The following ATP2B1 variants were observed in gnomAD, a reference collection of about 807,000 sequenced individuals.
The protein encoded by ATP2B1 is plasma membrane calcium-transporting ATPase 1.
Under a neutral mutation model 124.2 loss-of-function variants are expected in ATP2B1, and 14 were observed. The observed-to-expected ratio is 0.11, with a 90% CI of 0.07 to 0.18. The LOEUF (loss-of-function observed/expected upper bound fraction) is 0.18, where lower values mean the gene tolerates loss of function less well. Among genes scored for constraint, ATP2B1 ranks in the 10% least tolerant of loss-of-function variants. The pLI is 1.00. For missense variants in ATP2B1, 763 were observed against 1,466.1 expected, an observed-to-expected ratio of 0.52 and a Z score of 7.83; for synonymous variants, 449 against 492.4, an observed-to-expected ratio of 0.91 and a Z score of 1.17.
At chr12:89,634,325 T>A (rs1882353622) in intron 5 of ATP2B1, among the ~76,000 whole-genome samples, 1 of 152,216 alleles carries the variant, frequency 6.6e-6, no homozygotes, top group Admixed American at 6.5e-5. Flanking sequence ...AGGTAAACTT[T>A]AAGGATTTTA....
intron 15 of ATP2B1, among the ~76,000 whole-genome samples, chr12:89,607,631 A>G (rs899746342): frequency 4.6e-5 from 7 of 152,228 alleles, no homozygotes; most frequent in Non-Finnish European, 7.3e-5. Context: ...ATTGGATTAC[A>G]CCATGAGATT....
chr12:89,602,895 C>T (rs1325364115), intron 18 of ATP2B1, 148 bp downstream of exon 18: 4 of 669,380 alleles, frequency 6.0e-6, no homozygotes, highest in Non-Finnish European at 7.4e-6. Flanking sequence ...TATTCTTTAA[C>T]ATATACCTTA....
Position 89,661,608 on chromosome 12 carries a change from G to A in ATP2B1, c.-221-5501C>T, listed in dbSNP as rs1028871345. 2.6e-5 allele frequency among the ~76,000 whole-genome samples: 4 copies of A among 152,246 alleles called. 1 individual carries two copies. Among genetic ancestry groups the A allele is most frequent in the African/African-American group, 9.6e-5 (4 of 41,554 alleles). On this transcript the variant is annotated intron_variant, in intron 1 of 20. Transcript: ENST00000428670. ...GGCTACTACCATCAGGGAAATAACT[G>A]GCACTGTACTTCGAAACTGGTACTG...
At chr12:89,604,407 A>G in intron 15 of ATP2B1, 61 bp from the exon 16 acceptor site, 2 of 1,309,080 alleles carry the variant, frequency 1.5e-6, no homozygotes, top group Admixed American at 4.8e-5. Flanking sequence ...CAAATAGTCA[A>G]AAAATACACA....
intron 20 of ATP2B1, among the ~76,000 whole-genome samples, chr12:89,597,679 C>T (rs1351544501): frequency 6.6e-6 from 1 of 152,030 alleles, no homozygotes; most frequent in Non-Finnish European, 1.5e-5. Context: ...CCTTAGGTAG[C>T]TCTGTAAATT....
At chr12:89,646,109 G>T (rs1884417873) in intron 2 of ATP2B1, among the ~76,000 whole-genome samples, 1 of 151,946 alleles carries the variant, frequency 6.6e-6, no homozygotes, top group Non-Finnish European at 1.5e-5. Flanking sequence ...TTGCGAGGGG[G>T]AGGGGTCTTC....
chr12:89,628,493 A>G (rs909529779), intron 6 of ATP2B1, among the ~76,000 whole-genome samples: 2 of 151,472 alleles, frequency 1.3e-5, no homozygotes, highest in African/African-American at 4.8e-5. Context: ...TACAAAAGAT[A>G]GGAGAGGTAA....
intron 1 of ATP2B1, among the ~76,000 whole-genome samples, chr12:89,668,866 G>A (rs1249438016): frequency 6.6e-6 from 1 of 152,110 alleles, no homozygotes; most frequent in East Asian, 1.9e-4. Flanking sequence ...CAAGTTCCAA[G>A]TAACAGTCTC....
rs930569104 is a variant in ATP2B1, at chr12:89,660,287, G to A, written c.-221-4180C>T. Among the ~76,000 whole-genome samples, 24 of 152,088 alleles carry A rather than the reference G, an allele frequency of 1.6e-4. 1 individual carries two copies. The highest frequency in any genetic ancestry group is 4.8e-4 in the African/African-American group (20 of 41,408). ...AGCAACTCAAAGCTAGGTAAAAATC[G>A]GCAATACGTTACATGACAGAATTGG... On this transcript the variant is annotated intron_variant, in intron 1 of 20. Coordinates refer to ENST00000428670, the MANE Select transcript of ATP2B1 (RefSeq NM_001366521.1).
chr12:89,639,447 T>C (rs1250116071), intron 3 of ATP2B1, among the ~76,000 whole-genome samples: 2 of 151,996 alleles, frequency 1.3e-5, no homozygotes, highest in Non-Finnish European at 2.9e-5. Flanking sequence ...GAGGTTGCAG[T>C]GAGCCGAGAT....
At chr12:89,636,486 A>G (rs752282299) in intron 3 of ATP2B1, among the ~76,000 whole-genome samples, 18 of 152,362 alleles carry the variant, frequency 1.2e-4, no homozygotes, top group Admixed American at 6.5e-4. Context: ...ATGTGAAGTT[A>G]TTTCTTTTTA....
intron 2 of ATP2B1, among the ~76,000 whole-genome samples, chr12:89,652,017 C>G (rs892408460): frequency 6.6e-6 from 1 of 152,192 alleles, no homozygotes; most frequent in Middle Eastern, 3.2e-3. Context: ...CTCCTCCATA[C>G]TTGACAGAAA....
chr12:89,611,867 C>T (rs1878081858), intron 12 of ATP2B1: 1 of 152,398 alleles, frequency 6.6e-6, no homozygotes, highest in South Asian at 2.1e-4. Context: ...GAATCCACAT[C>T]CTGCCCCTAC....
chr12:89,703,478 C>A (rs1326593273), intron 1 of ATP2B1, among the ~76,000 whole-genome samples: 1 of 152,208 alleles, frequency 6.6e-6, no homozygotes, highest in African/African-American at 2.4e-5. Flanking sequence ...TATCTATCCA[C>A]TAACTTATGT....
In ATP2B1 at chr12:89,590,713, T is replaced by C; in HGVS notation, c.*271A>G. Reference sequence around the variant, plus strand: ...TCTGCTAATACACTGTTCAGGACCATGCTTGGGTACTACTGATGATCCACA... The same window carrying C: ...TCTGCTAATACACTGTTCAGGACCACGCTTGGGTACTACTGATGATCCACA... On this transcript the variant is annotated 3_prime_UTR_variant, in exon 21 of 21. Transcript: ENST00000428670. 2.6e-6 allele frequency: 1 copy of C among 385,338 alleles called. No individual in the cohort carries two copies. The highest frequency in any genetic ancestry group is 4.8e-6 in the Non-Finnish European group (1 of 208,212). The allele number at this position is 385,338 out of a possible 1,614,324, so 23.9% of individuals were successfully genotyped here.
intron 11 of ATP2B1, among the ~76,000 whole-genome samples, chr12:89,618,246 C>T (rs1363825974): frequency 1.3e-5 from 2 of 152,154 alleles, no homozygotes; most frequent in Non-Finnish European, 2.9e-5. Flanking sequence ...AAAAAGTCTC[C>T]ACAACAAAAT....
intron 8 of ATP2B1, among the ~76,000 whole-genome samples, chr12:89,625,205 G>A (rs1592775771): frequency 1.3e-5 from 2 of 152,104 alleles, no homozygotes; most frequent in East Asian, 1.9e-4. Flanking sequence ...GGCAGAGGTT[G>A]CAGTGAGCCG....
At chr12:89,706,474 T>C (rs1202207885) in intron 1 of ATP2B1, among the ~76,000 whole-genome samples, 1 of 152,102 alleles carries the variant, frequency 6.6e-6, no homozygotes, top group African/African-American at 2.4e-5. Flanking sequence ...AAAGCAGCTA[T>C]TACTTTCCTT....
At chr12:89,682,525 T>C (rs543394805) in intron 1 of ATP2B1, among the ~76,000 whole-genome samples, 3 of 152,218 alleles carry the variant, frequency 2.0e-5, no homozygotes, top group South Asian at 2.1e-4. Flanking sequence ...TGGACTGAAA[T>C]AGAAAGTCCA....
Sources: gnomAD v4.1 joint callset for allele counts (sites outside exome capture counted in the v4.1 genomes callset) on GRCh38, gnomAD v4.1.1 for gene constraint, MANE v1.5 for transcripts, NCBI Gene and HGNC (gene_info 2026-07-23, HGNC 2026-07-21) for gene names.